Variants in AQP1 observed in about 807,000 individuals in gnomAD.
AQP1 encodes aquaporin 1 (Colton blood group).
A neutral mutation model predicts 19.7 loss-of-function variants in AQP1; 11 were observed. The ratio of observed to expected loss-of-function variants is 0.56; its 90% confidence interval spans 0.35 to 0.92. The LOEUF is 0.92. AQP1 is among the 40% of genes least tolerant of loss of function. AQP1 has a pLI of 0.01. For synonymous variants in AQP1, 159 were observed against 166.7 expected, an observed-to-expected ratio of 0.95 and a Z score of 0.36; for missense variants, 320 against 369.7, an observed-to-expected ratio of 0.87 and a Z score of 1.10.
chr7:30,916,506 C>G (rs764021121), intron 1 of AQP1, among the ~76,000 whole-genome samples: 2 of 152,230 alleles, frequency 1.3e-5, no homozygotes, highest in Non-Finnish European at 2.9e-5. Flanking sequence ...TGCAAGTGGC[C>G]AGGATCCCCT....
rs1254609676 is a variant in AQP1 at position 30,912,547 on chromosome 7, A to G, written c.384+254A>G. Among the ~76,000 whole-genome samples the G allele has an allele frequency of 1.3e-5, 2 of 152,250 alleles. No individual in the cohort carries two copies. Among genetic ancestry groups the G allele is most frequent in the African/African-American group, 4.8e-5 (2 of 41,460 alleles). On this transcript the variant is annotated intron_variant, in intron 1 of 3. Transcript: ENST00000311813. The surrounding 1 kb of genome is among the most constrained non-coding windows in gnomAD (Gnocchi z 4.3). ...TAATGGTCTTGCCAATGTCCCCTGC[A>G]GGGCATCTATTATGGGGAATAAGCT...
chr7:30,914,833 C>T (rs1412485819), intron 1 of AQP1, among the ~76,000 whole-genome samples: 4 of 152,206 alleles, frequency 2.6e-5, no homozygotes, highest in Admixed American at 6.5e-5. Context: ...GGTGTCCCTT[C>T]GGGACATGCT....
Position 30,923,358 on chromosome 7 carries a change from T to A in AQP1, c.631-92T>A. 1 of 1,594,834 alleles carries A rather than the reference T, an allele frequency of 6.3e-7. No individual in the cohort carries two copies. Among genetic ancestry groups the A allele is most frequent in the South Asian group, 1.1e-5 (1 of 88,468 alleles). ...CTCCATCCCAGGTGGGAAAAACCTG[T>A]CCAACGGGGTGGTGGGCTGTGGGGT... On this transcript the variant is annotated intron_variant, in intron 3 of 3. Transcript: ENST00000311813. This position sits in a 1 kb window ranked among gnomAD's most constrained non-coding sequence, Gnocchi z 4.8.
At chr7:30,913,684 T>C (rs1392260356) in intron 1 of AQP1, among the ~76,000 whole-genome samples, 1 of 152,214 alleles carries the variant, frequency 6.6e-6, no homozygotes, top group Non-Finnish European at 1.5e-5. Flanking sequence ...TTAGCACTTC[T>C]GTGTCACGGT....
rs1791621394 is a variant in AQP1 at position 30,924,263 on chromosome 7, C to T, written c.*634C>T. 2.7e-5 allele frequency: 11 copies of T among 400,668 alleles called. No individual in the cohort carries two copies. In the South Asian group the frequency reaches 4.7e-4, roughly 17 times the overall value. 24.8% of individuals were successfully genotyped at this position (400,668 alleles called of 1,614,324 possible). On this transcript the variant is annotated 3_prime_UTR_variant, in exon 4 of 4. Coordinates refer to ENST00000311813, the MANE Select transcript of AQP1 (RefSeq NM_198098.4). Reference sequence around the variant, plus strand: ...CGGCAGAGCTCTACAGGCCTGCAGCCCCTAAGTGCAAACACAGCATGGGTC... The same window carrying T: ...CGGCAGAGCTCTACAGGCCTGCAGCTCCTAAGTGCAAACACAGCATGGGTC...
chr7:30,912,411 CTGG>C lies in AQP1; in HGVS notation c.384+119_384+121del. On this transcript the variant is annotated intron_variant, in intron 1 of 3. Coordinates refer to ENST00000311813, the MANE Select transcript of AQP1 (RefSeq NM_198098.4). This position sits in a 1 kb window ranked among gnomAD's most constrained non-coding sequence, Gnocchi z 4.3. ...GAGGAACGGAGAGGACAAGAGGTTG[CTGG>C]AGGTCACGTAGAGAGCTGGGGGGAA... 1 of 1,441,880 alleles carries C rather than the reference CTGG, an allele frequency of 6.9e-7. No individual in the cohort carries two copies. Among genetic ancestry groups the C allele is most frequent in the East Asian group, 2.4e-5 (1 of 42,464 alleles). The allele number at this position is 1,441,880 out of a possible 1,614,324, so 89.3% of individuals were successfully genotyped here.
chr7:30,923,508 T>C lies in AQP1; in HGVS notation c.689T>C (p.Ile230Thr). Residue 230 changes from isoleucine to threonine, a missense_variant, in exon 4 of 4, where the codon ATC becomes ACC. Transcript: ENST00000311813. This position sits in a 1 kb window ranked among gnomAD's most constrained non-coding sequence, Gnocchi z 4.8. ...GALAVLIYDF[I>T]LAPRSSDLTD... is the part of the protein sequence containing the mutation. ...CTGGCTGTACTCATCTACGACTTCA[T>C]CCTGGCCCCACGCAGCAGTGACCTC... The C allele has an allele frequency of 1.2e-6, 2 of 1,614,102 alleles. No homozygotes were observed. The highest frequency in any genetic ancestry group is 1.7e-6 in the Non-Finnish European group (2 of 1,180,016).
At chr7:30,922,986 G>A (rs1190724003) in intron 3 of AQP1, among the ~76,000 whole-genome samples, 4 of 152,346 alleles carry the variant, frequency 2.6e-5, no homozygotes, top group Middle Eastern at 3.4e-3. Flanking sequence ...CCTGAGCTGC[G>A]GAGGGGGATA....
At chr7:30,921,496 G>A (rs1005168781) in intron 1 of AQP1, 11 of 1,492,226 alleles carry the variant, frequency 7.4e-6, no homozygotes, top group Non-Finnish European at 9.9e-6. Context: ...GAGAGAGAGG[G>A]TGGAGACAAT....
chr7:30,911,934 C>T lies in AQP1; in HGVS notation c.25C>T (p.Leu9Phe). ...CATGGCCAGCGAGTTCAAGAAGAAG[C>T]TCTTCTGGAGGGCAGTGGTGGCCGA... Reference protein sequence around the residue: MASEFKKKLFWRAVVAEFL... With the variant: MASEFKKKFFWRAVVAEFL... Residue 9 changes from leucine to phenylalanine, a missense_variant, in exon 1 of 4, where the codon CTC becomes TTC. Physicochemically the swap from Leu to Phe is conservative, Grantham distance 22 (BLOSUM62 0). Coordinates refer to ENST00000311813, the MANE Select transcript of AQP1 (RefSeq NM_198098.4). 1 of 1,613,414 alleles carries T rather than the reference C, an allele frequency of 6.2e-7. No individual in the cohort carries two copies. The highest frequency in any genetic ancestry group is 8.5e-7 in the Non-Finnish European group (1 of 1,180,032).
At position 30,922,229 on chromosome 7, in the gene AQP1, C is replaced by T. The variant is rs1248693752; in HGVS notation, c.548C>T (p.Ala183Val). Residue 183 changes from alanine (A) to valine (V), a missense_variant and splice_region_variant, in exon 2 of 4, where the codon GCT (alanine) becomes GTT (valine). By Grantham distance (64) the Ala-to-Val change is moderately conservative. Transcript: ENST00000311813. ...GLSVALGHLL[A>V]IDYTGCGINP... ...TCTGTAGCCCTTGGACACCTCCTGG[C>T]TGTGAGTCAGGGGCCCTCCCAGATG... 2 of 1,594,940 alleles carry T rather than the reference C, an allele frequency of 1.3e-6. No homozygotes were observed. The highest frequency in any genetic ancestry group is 1.7e-5 in the Admixed American group (1 of 58,796).
At chr7:30,918,798 G>T (rs968641916) in intron 1 of AQP1, among the ~76,000 whole-genome samples, 1 of 152,226 alleles carries the variant, frequency 6.6e-6, no homozygotes, top group African/African-American at 2.4e-5. Context: ...GGCAGCCACA[G>T]AACCACCTTC....
In AQP1 at chr7:30,912,123, G is replaced by A. The variant is rs548913885; in HGVS notation, c.214G>A (p.Gly72Ser). Residue 72 changes from glycine to serine, a missense_variant, in exon 1 of 4, where the codon GGC becomes AGC. Coordinates refer to ENST00000311813, the MANE Select transcript of AQP1 (RefSeq NM_198098.4). This position sits in a 1 kb window ranked among gnomAD's most constrained non-coding sequence, Gnocchi z 4.3. Reference sequence around the variant, plus strand: ...GGCGCAGAGTGTGGGCCACATCAGCGGCGCCCACCTCAACCCGGCTGTCAC... The same window carrying A: ...GGCGCAGAGTGTGGGCCACATCAGCAGCGCCCACCTCAACCCGGCTGTCAC... ...TLAQSVGHIS[G>S]AHLNPAVTLG... The A allele has an allele frequency of 8.1e-6, 13 of 1,613,154 alleles. No individual in the cohort carries two copies. The highest frequency in any genetic ancestry group is 4.4e-5 in the South Asian group (4 of 91,086).
rs955195788 is a variant in AQP1 at position 30,923,023 on chromosome 7, C to T, written c.630+379C>T. ...GGTGGTGCCCACCTCTCAGGGTGGC[C>T]GAGAAGAGGAAAGGGCTCACTCCCC... On this transcript the variant is annotated intron_variant, in intron 3 of 3. Coordinates refer to ENST00000311813, the MANE Select transcript of AQP1 (RefSeq NM_198098.4). This position sits in a 1 kb window ranked among gnomAD's most constrained non-coding sequence, Gnocchi z 4.8. Among the ~76,000 whole-genome samples the T allele has an allele frequency of 2.6e-5, 4 of 152,158 alleles. No homozygotes were observed. The highest frequency in any genetic ancestry group is 4.8e-5 in the African/African-American group (2 of 41,426).
chr7:30,917,519 C>T (rs1246813221), intron 1 of AQP1, among the ~76,000 whole-genome samples: 1 of 152,186 alleles, frequency 6.6e-6, no homozygotes, highest in East Asian at 1.9e-4. Flanking sequence ...TCTTCTCTTC[C>T]CTCTCTAGCT....
At position 30,924,123 on chromosome 7, in the gene AQP1, G is replaced by A. The variant is rs1791615904; in HGVS notation, c.*494G>A. 2 of 1,192,220 alleles carry A rather than the reference G, an allele frequency of 1.7e-6. No homozygotes were observed. The highest frequency in any genetic ancestry group is 2.1e-6 in the Non-Finnish European group (2 of 943,406). The allele number at this position is 1,192,220 out of a possible 1,614,324, so 73.9% of individuals were successfully genotyped here. ...AGGTGCAGTGGAGGGGGCAAGCTTT[G>A]CTCCTTCAGTTCTGCTTGCTCCCAA... On this transcript the variant is annotated 3_prime_UTR_variant, in exon 4 of 4. Coordinates refer to ENST00000311813, the MANE Select transcript of AQP1 (RefSeq NM_198098.4).
At chr7:30,913,619 G>A (rs968596577) in intron 1 of AQP1, among the ~76,000 whole-genome samples, 1 of 152,178 alleles carries the variant, frequency 6.6e-6, no homozygotes, top group African/African-American at 2.4e-5. Context: ...GCCCAGGAGA[G>A]GCTAGGTGAA....
At chr7:30,914,436 A>G (rs1445678906) in intron 1 of AQP1, among the ~76,000 whole-genome samples, 1 of 152,226 alleles carries the variant, frequency 6.6e-6, no homozygotes, top group Non-Finnish European at 1.5e-5. Flanking sequence ...GGCTAAGAGC[A>G]GCCCAGCAGG....
Position 30,912,387 on chromosome 7 carries a change from A to C in AQP1, c.384+94A>C, listed in dbSNP as rs1791190452. 2 of 1,523,270 alleles carry C rather than the reference A, an allele frequency of 1.3e-6. No individual in the cohort carries two copies. The highest frequency in any genetic ancestry group is 1.8e-6 in the Non-Finnish European group (2 of 1,130,704). The allele number at this position is 1,523,270 out of a possible 1,614,324, so 94.4% of individuals were successfully genotyped here. The stretch of plus-strand genomic sequence containing the variant: ...GCCCATTGTGCAGATGGGGACACTG[A>C]GGAACGGAGAGGACAAGAGGTTGCT... On this transcript the variant is annotated intron_variant, in intron 1 of 3. Coordinates refer to ENST00000311813, the MANE Select transcript of AQP1 (RefSeq NM_198098.4). This position sits in a 1 kb window ranked among gnomAD's most constrained non-coding sequence, Gnocchi z 4.3.
Sources: gnomAD v4.1 joint callset for allele counts (sites outside exome capture counted in the v4.1 genomes callset) on GRCh38, gnomAD v4.1.1 for gene constraint, Gnocchi (gnomAD v3.1) non-coding constraint, MANE v1.5 for transcripts, NCBI Gene and HGNC (gene_info 2026-07-23, HGNC 2026-07-21) for gene names.